Variants in PARD3 observed in about 807,000 individuals in gnomAD.
PARD3 encodes partitioning defective 3 homolog.
A neutral mutation model predicts 155.4 loss-of-function variants in PARD3; 75 were observed. The observed-to-expected ratio is 0.48, with a 90% CI of 0.40 to 0.58. PARD3 has a LOEUF of 0.58. PARD3 is among the 20% of genes least tolerant of loss of function. The probability of loss-of-function intolerance (pLI) is 0.00; values close to 1 mark genes in which losing one functional copy is unlikely to be tolerated. For missense variants in PARD3, 1,642 were observed against 1,721.7 expected (o/e 0.95, Z 0.82); for synonymous variants, 576 against 610.5 (o/e 0.94, Z 0.83).
At chr10:34,306,359 A>G (rs1957409206) in intron 20 of PARD3, among the ~76,000 whole-genome samples, 2 of 152,014 alleles carry the variant, frequency 1.3e-5, no homozygotes, top group African/African-American at 2.4e-5. Context: ...AAGAACTTCA[A>G]TAATAAACCG....
At chr10:34,214,943 T>C (rs1053524846) in intron 22 of PARD3, among the ~76,000 whole-genome samples, 2 of 152,208 alleles carry the variant, frequency 1.3e-5, no homozygotes, top group Non-Finnish European at 2.9e-5. Context: ...GTCAGGAATG[T>C]AACATGCTAG....
intron 17 of PARD3, among the ~76,000 whole-genome samples, chr10:34,336,572 C>G (rs1836213155): frequency 6.6e-6 from 1 of 151,948 alleles, no homozygotes; most frequent in Admixed American, 6.6e-5. Flanking sequence ...CACCAGAGAA[C>G]AGCATAAGTT....
intron 22 of PARD3, among the ~76,000 whole-genome samples, chr10:34,196,722 C>T (rs1450044426): frequency 4.6e-5 from 7 of 151,776 alleles, no homozygotes; most frequent in South Asian, 4.2e-4. Context: ...TACAGGTGCC[C>T]GCCACCACAC....
chr10:34,598,280 C>T (rs746754265), intron 2 of PARD3, among the ~76,000 whole-genome samples: 1 of 130,082 alleles, frequency 7.7e-6, no homozygotes, highest in Non-Finnish European at 1.5e-5. Flanking sequence ...AGGAAGAACA[C>T]AAAGACACAA....
intron 4 of PARD3, among the ~76,000 whole-genome samples, chr10:34,459,101 AAC>A (rs1225361143): frequency 6.6e-6 from 1 of 152,246 alleles, no homozygotes; most frequent in Non-Finnish European, 1.5e-5. Flanking sequence ...TTTATACTGA[AAC>A]AATTTAAAAA....
chr10:34,282,502 A>T (rs1270443707), intron 21 of PARD3, among the ~76,000 whole-genome samples: 1 of 152,204 alleles, frequency 6.6e-6, no homozygotes. Context: ...TAAGCATCAT[A>T]AAAGTATTTT....
intron 3 of PARD3, among the ~76,000 whole-genome samples, chr10:34,502,038 G>A (rs2080750185): frequency 6.6e-6 from 1 of 152,188 alleles, no homozygotes; most frequent in African/African-American, 2.4e-5. Flanking sequence ...AGATCTATGA[G>A]AAGGCAAGCC....
chr10:34,297,477 G>T, intron 20 of PARD3, among the ~76,000 whole-genome samples: 1 of 152,184 alleles, frequency 6.6e-6, no homozygotes, highest in Non-Finnish European at 1.5e-5. Flanking sequence ...ACTGCTGGCA[G>T]AAATCATCAC....
At chr10:34,743,989 G>A (rs756779802) in intron 1 of PARD3, among the ~76,000 whole-genome samples, 9 of 152,060 alleles carry the variant, frequency 5.9e-5, no homozygotes, top group African/African-American at 1.4e-4. Flanking sequence ...AGCATGTCTC[G>A]GCTAGTTAAA....
chr10:34,331,635 G>A (rs189878893), intron 18 of PARD3, among the ~76,000 whole-genome samples: 355 of 152,088 alleles, frequency 2.3e-3, no homozygotes, highest in Non-Finnish European at 4.3e-3. Context: ...GTTTTGCTCC[G>A]GTAATAGGAA....
chr10:34,472,051 G>A (rs999632124), intron 3 of PARD3, among the ~76,000 whole-genome samples: 6 of 152,120 alleles, frequency 3.9e-5, no homozygotes, highest in African/African-American at 1.2e-4. Flanking sequence ...AAGCAAATTA[G>A]AACTTATCAG....
At chr10:34,663,015 G>A (rs572076413) in intron 2 of PARD3, among the ~76,000 whole-genome samples, 21 of 152,312 alleles carry the variant, frequency 1.4e-4, no homozygotes, top group African/African-American at 4.8e-4. Flanking sequence ...GAGAGTAGAT[G>A]ATGGTTACCA....
intron 1 of PARD3, among the ~76,000 whole-genome samples, chr10:34,797,976 G>A (rs1243533713): frequency 6.6e-6 from 1 of 151,986 alleles, no homozygotes; most frequent in African/African-American, 2.4e-5. Flanking sequence ...ATCCAGCCTG[G>A]GCAACAGCAC....
intron 24 of PARD3, among the ~76,000 whole-genome samples, chr10:34,115,485 T>A (rs1946618233): frequency 6.6e-6 from 1 of 152,156 alleles, no homozygotes; most frequent in Non-Finnish European, 1.5e-5. Flanking sequence ...CAAATCTCAA[T>A]GACAGAGGAG....
intron 1 of PARD3, among the ~76,000 whole-genome samples, chr10:34,804,510 T>C (rs1843139701): frequency 1.3e-5 from 2 of 152,242 alleles, no homozygotes; most frequent in Non-Finnish European, 2.9e-5. Flanking sequence ...CAGGTGCTGC[T>C]GTCTGTAATA....
At chr10:34,496,577 C>G (rs997806202) in intron 3 of PARD3, among the ~76,000 whole-genome samples, 1 of 152,046 alleles carries the variant, frequency 6.6e-6, no homozygotes, top group Non-Finnish European at 1.5e-5. Context: ...TAAGAAACAC[C>G]GAGGTTATAG....
intron 5 of PARD3, among the ~76,000 whole-genome samples, chr10:34,433,718 T>C (rs901669206): frequency 6.6e-6 from 1 of 152,190 alleles, no homozygotes; most frequent in African/African-American, 2.4e-5. Flanking sequence ...ATACTATCTA[T>C]GGAATAAGAT....
At chr10:34,175,236 T>C (rs1191512873) in intron 22 of PARD3, among the ~76,000 whole-genome samples, 1 of 152,214 alleles carries the variant, frequency 6.6e-6, no homozygotes, top group Admixed American at 6.5e-5. Context: ...CGAGCAGGGC[T>C]GGCAGATGAT....
At chr10:34,566,432 C>CAGA (rs2085947893) in intron 2 of PARD3, among the ~76,000 whole-genome samples, 1 of 152,142 alleles carries the variant, frequency 6.6e-6, no homozygotes, top group Non-Finnish European at 1.5e-5. Flanking sequence ...CCTGCAAGTG[C>CAGA]AAAGATACCC....
Sources: gnomAD v4.1 joint callset for allele counts (sites outside exome capture counted in the v4.1 genomes callset) on GRCh38, gnomAD v4.1.1 for gene constraint, MANE v1.5 for transcripts, NCBI Gene and HGNC (gene_info 2026-07-23, HGNC 2026-07-21) for gene names.